The following SLC2A14 variants were observed in gnomAD, a reference collection of about 807,000 sequenced individuals.
SLC2A14 encodes solute carrier family 2, facilitated glucose transporter member 14.
SLC2A14 carries 13 observed loss-of-function variants against 43.0 expected under a neutral mutation model. The observed-to-expected ratio is 0.30, with a 90% CI of 0.20 to 0.48. SLC2A14 has a LOEUF of 0.48. Among genes scored for constraint, SLC2A14 ranks in the 20% least tolerant of loss-of-function variants. The probability of loss-of-function intolerance (pLI) is 0.99; values close to 1 mark genes in which losing one functional copy is unlikely to be tolerated. For missense variants in SLC2A14, 428 were observed against 620.4 expected, an observed-to-expected ratio of 0.69 and a Z score of 3.29; for synonymous variants, 190 against 233.8, an observed-to-expected ratio of 0.81 and a Z score of 1.71.
chr12:7,823,606 G>A (rs1279453268), intron 7 of SLC2A14, among the ~76,000 whole-genome samples: 1 of 151,898 alleles, frequency 6.6e-6, no homozygotes, highest in Non-Finnish European at 1.5e-5. Flanking sequence ...TGTAATCCCA[G>A]CTACTCGGGA....
In SLC2A14 at chr12:7,831,657, G is replaced by A. The variant is rs917410924; in HGVS notation, c.219C>T (p.Val73=). 6.2e-7 allele frequency: 1 copy of A among 1,614,164 alleles called. No individual in the cohort carries two copies. The highest frequency in any genetic ancestry group is 8.5e-7 in the Non-Finnish European group (1 of 1,180,046). ...CGGAAAAGGAGCCGATCATACCCCC[G>A]ACGGAAAATATGGCCACAGACAAGG... ...LWSLSVAIFS[V]GGMIGSFSVG... Residue 73 remains valine (V), a synonymous_variant, in exon 4 of 11, where the codon GTC becomes GTT. Coordinates refer to ENST00000431042, the MANE Select transcript of SLC2A14 (RefSeq NM_001286234.2).
At chr12:7,829,642 T>C in intron 5 of SLC2A14, 124 bp downstream of exon 5, 1 of 1,352,034 alleles carries the variant, frequency 7.4e-7, no homozygotes, top group Admixed American at 2.5e-5. Context: ...AGCTACTATC[T>C]ATTATCTAAA....
chr12:7,853,437 A>AG lies in SLC2A14; in HGVS notation c.18+16425_18+16426insC, dbSNP rs1867102380. 2.7e-5 allele frequency among the ~76,000 whole-genome samples: 4 copies of AG among 147,302 alleles called. No individual in the cohort carries two copies. In the South Asian group the frequency reaches 8.7e-4, roughly 32 times the overall value. ...AGAGAGAGACTCCATTTCAAAAAAA[A>AG]AAAAAAAAAAAAAAATTAGCCAGGC... On this transcript the variant is annotated intron_variant, in intron 2 of 10. Coordinates refer to ENST00000431042, the MANE Select transcript of SLC2A14 (RefSeq NM_001286234.2).
At chr12:7,832,608 TG>T in intron 3 of SLC2A14, 113 bp downstream of exon 3, 1 of 1,144,952 alleles carries the variant, frequency 8.7e-7, no homozygotes, top group Non-Finnish European at 1.3e-6. Flanking sequence ...CCGGAGTAGC[TG>T]GGACTCCAGG....
At chr12:7,887,449 C>A (rs1052106890) in intron 1 of SLC2A14, among the ~76,000 whole-genome samples, 2 of 151,960 alleles carry the variant, frequency 1.3e-5, no homozygotes, top group African/African-American at 4.8e-5. Context: ...GGTGAATGAA[C>A]CATTCATACT....
chr12:7,824,688 G>A (rs1220713696), intron 7 of SLC2A14, among the ~76,000 whole-genome samples: 1 of 145,350 alleles, frequency 6.9e-6, no homozygotes, highest in Non-Finnish European at 1.5e-5. Flanking sequence ...AGCCGAGATT[G>A]TGCCACTACA....
At chr12:7,882,144 C>G (rs986782392) in intron 1 of SLC2A14, among the ~76,000 whole-genome samples, 1 of 152,018 alleles carries the variant, frequency 6.6e-6, no homozygotes, top group African/African-American at 2.4e-5. Context: ...GTTTTTGGGT[C>G]TGCACTGCTT....
Position 7,859,834 on chromosome 12 carries a change from G to A in SLC2A14, c.18+10029C>T, listed in dbSNP as rs796791307. Among the ~76,000 whole-genome samples, 37 of 152,304 alleles carry A rather than the reference G, an allele frequency of 2.4e-4. 1 individual carries two copies. Among genetic ancestry groups the A allele is most frequent in the African/African-American group, 8.4e-4 (35 of 41,570 alleles). ...ACAAACGAAATGCTGAACCTACCCTGTAGTACTTTCAGAGAAGTGAGATCC... is the reference window on the plus strand; with the variant it reads ...ACAAACGAAATGCTGAACCTACCCTATAGTACTTTCAGAGAAGTGAGATCC... On this transcript the variant is annotated intron_variant, in intron 2 of 10. Coordinates refer to ENST00000431042, the MANE Select transcript of SLC2A14 (RefSeq NM_001286234.2).
intron 2 of SLC2A14, among the ~76,000 whole-genome samples, chr12:7,834,510 G>A (rs1865277957): frequency 6.9e-6 from 1 of 145,504 alleles, no homozygotes; most frequent in Non-Finnish European, 1.5e-5. Context: ...GGACAACACA[G>A]TGAGACCCCT....
At chr12:7,817,036 T>G (rs1863511998) in intron 10 of SLC2A14, among the ~76,000 whole-genome samples, 1 of 152,166 alleles carries the variant, frequency 6.6e-6, no homozygotes, top group Non-Finnish European at 1.5e-5. Flanking sequence ...TTTGTTTATT[T>G]CTGGAATTTT....
intron 1 of SLC2A14, among the ~76,000 whole-genome samples, chr12:7,880,713 A>G (rs754469733): frequency 0.13 from 4,886 of 38,230 alleles, 219 homozygotes; most frequent in Middle Eastern, 0.24. Flanking sequence ...AAAAAAAAAA[A>G]AGAGAGAAAT....
Position 7,872,855 on chromosome 12 carries a change from C to A in SLC2A14, c.-106G>T. 1.0e-6 allele frequency: 1 copy of A among 985,576 alleles called. No individual in the cohort carries two copies. The highest frequency in any genetic ancestry group is 1.2e-6 in the Non-Finnish European group (1 of 830,050). 61.1% of individuals were successfully genotyped at this position (985,576 alleles called of 1,614,324 possible). Reference sequence around the variant, plus strand: ...TGGGCCCCGCGGCTTCGCTCAACCACGCACCTCCCGGGCCGCTGCGCCCCC... The same window carrying A: ...TGGGCCCCGCGGCTTCGCTCAACCAAGCACCTCCCGGGCCGCTGCGCCCCC... On this transcript the variant is annotated 5_prime_UTR_variant, in exon 1 of 11. Transcript: ENST00000431042.
intron 1 of SLC2A14, among the ~76,000 whole-genome samples, chr12:7,879,124 T>G (rs769030526): frequency 1.8e-4 from 27 of 151,946 alleles, no homozygotes; most frequent in Middle Eastern, 6.8e-3. Flanking sequence ...TGAAGTGAGC[T>G]GCTTACATAG....
rs1316142159 is a variant in SLC2A14, at chr12:7,812,650, C to G, written c.*1666G>C. 6.6e-6 allele frequency: 1 copy of G among 152,066 alleles called. No homozygotes were observed. Among genetic ancestry groups the G allele is most frequent in the Non-Finnish European group, 1.5e-5 (1 of 68,014 alleles). 9.4% of individuals were successfully genotyped at this position (152,066 alleles called of 1,614,324 possible). A position where few individuals can be genotyped will look rare whatever the true frequency, so the allele number is the denominator to read the frequency against. Reference sequence around the variant, plus strand: ...CCTGCCTTACTGCCAAACTGAGGAGCCAGAAGTTGACGTGAAGTTGGAAGG... The same window carrying G: ...CCTGCCTTACTGCCAAACTGAGGAGGCAGAAGTTGACGTGAAGTTGGAAGG... On this transcript the variant is annotated 3_prime_UTR_variant, in exon 11 of 11. Transcript: ENST00000431042.
chr12:7,874,935 AATTTATATATAAATATATTTATATAT>A (rs1565585137), upstream of SLC2A14, among the ~76,000 whole-genome samples: 3 of 65,878 alleles, frequency 4.6e-5, no homozygotes, highest in East Asian at 4.4e-4. Flanking sequence ...ATTTATATAT[AATTTATATATAAATATATTTATATAT>A]AAATTATATA....
chr12:7,876,488 A>G (rs759953889), upstream of SLC2A14, among the ~76,000 whole-genome samples: 1 of 151,066 alleles, frequency 6.6e-6, no homozygotes, highest in African/African-American at 2.4e-5. Context: ...AAGTGTTTAC[A>G]TTGGTGGAAA....
At chr12:7,890,235 G>A (rs954756938) in intron 1 of SLC2A14, among the ~76,000 whole-genome samples, 1 of 151,698 alleles carries the variant, frequency 6.6e-6, no homozygotes, top group East Asian at 2.0e-4. Context: ...TGCTCACTAA[G>A]TGTTAGTTGC....
intron 2 of SLC2A14, among the ~76,000 whole-genome samples, chr12:7,866,218 C>A (rs1944898074): frequency 8.6e-6 from 1 of 116,122 alleles, no homozygotes; most frequent in African/African-American, 3.2e-5. Flanking sequence ...GACCAAGACT[C>A]TGTCTCAAAA....
intron 1 of SLC2A14, among the ~76,000 whole-genome samples, chr12:7,888,294 A>G (rs1036418293): frequency 6.6e-6 from 1 of 152,056 alleles, no homozygotes; most frequent in Non-Finnish European, 1.5e-5. Flanking sequence ...CCTGTGACAC[A>G]AGCAGTAATG....
Sources: gnomAD v4.1 joint callset for allele counts (sites outside exome capture counted in the v4.1 genomes callset) on GRCh38, gnomAD v4.1.1 for gene constraint, MANE v1.5 for transcripts, NCBI Gene and HGNC (gene_info 2026-07-23, HGNC 2026-07-21) for gene names.